Variants in NPSR1 observed in about 807,000 individuals in gnomAD.
NPSR1 encodes neuropeptide S receptor 1, also known as neuropeptide S receptor.
In NPSR1, 48 loss-of-function variants were observed where a neutral mutation model predicts 46.9. The observed-to-expected ratio is 1.02, with a 90% CI of 0.81 to 1.30. The LOEUF (loss-of-function observed/expected upper bound fraction) is 1.30, where lower values mean the gene tolerates loss of function less well. Among genes scored for constraint, NPSR1 ranks in the 50% most tolerant of loss-of-function variants. NPSR1 has a pLI of 0.00. For synonymous variants in NPSR1, 176 were observed against 168.1 expected (o/e 1.05, Z -0.36); for missense variants, 450 against 449.5 (o/e 1.00, Z -0.01).
intron 3 of NPSR1, among the ~76,000 whole-genome samples, chr7:34,788,522 T>C (rs1384199003): frequency 6.6e-6 from 1 of 152,086 alleles, no homozygotes; most frequent in Non-Finnish European, 1.5e-5. Flanking sequence ...TACATTTACA[T>C]CACATAGAAT....
intron 8 of NPSR1, among the ~76,000 whole-genome samples, chr7:34,868,957 A>C (rs911726811): frequency 6.6e-6 from 1 of 151,750 alleles, no homozygotes; most frequent in African/African-American, 2.4e-5. Flanking sequence ...ACAGGACTTC[A>C]GCAGGAGAGG....
chr7:34,674,896 C>A (rs1341913406), intron 1 of NPSR1, among the ~76,000 whole-genome samples: 2 of 152,186 alleles, frequency 1.3e-5, no homozygotes, highest in Non-Finnish European at 2.9e-5. Flanking sequence ...CAGCTTCAGG[C>A]AAGTTTTGGC....
intron 2 of NPSR1, among the ~76,000 whole-genome samples, chr7:34,698,306 TC>T (rs1304413809): frequency 2.0e-5 from 3 of 152,096 alleles, no homozygotes; most frequent in Non-Finnish European, 4.4e-5. Flanking sequence ...TGTATACTTT[TC>T]TTTATGTGTT....
At chr7:34,846,591 G>GTCAC (rs1306928879) in intron 7 of NPSR1, among the ~76,000 whole-genome samples, 5 of 151,964 alleles carry the variant, frequency 3.3e-5, no homozygotes, top group African/African-American at 1.2e-4. Context: ...TAATGAAGTA[G>GTCAC]TCACACCTAC....
chr7:34,704,055 C>T (rs1426767659), intron 2 of NPSR1: 1 of 152,144 alleles, frequency 6.6e-6, no homozygotes, highest in Non-Finnish European at 1.5e-5. Flanking sequence ...GAATTCTCTG[C>T]CCTCATAACC....
intron 4 of NPSR1, among the ~76,000 whole-genome samples, chr7:34,815,863 T>C (rs1319546912): frequency 6.6e-6 from 1 of 152,136 alleles, no homozygotes; most frequent in African/African-American, 2.4e-5. Flanking sequence ...GAAAAACAAA[T>C]GCTGAGAGAT....
intron 2 of NPSR1, among the ~76,000 whole-genome samples, chr7:34,770,528 G>A (rs1786630948): frequency 6.6e-6 from 1 of 152,164 alleles, no homozygotes; most frequent in South Asian, 2.1e-4. Flanking sequence ...ACTATACCAT[G>A]TGAATGGTCA....
chr7:34,773,678 T>A (rs749742329), intron 2 of NPSR1, among the ~76,000 whole-genome samples: 1 of 152,154 alleles, frequency 6.6e-6, no homozygotes, highest in Non-Finnish European at 1.5e-5. Flanking sequence ...ACATTCAAAA[T>A]CAGCAGTAGC....
intron 1 of NPSR1, among the ~76,000 whole-genome samples, chr7:34,672,548 G>A (rs1792111605): frequency 6.6e-6 from 1 of 152,172 alleles, no homozygotes; most frequent in Non-Finnish European, 1.5e-5. Context: ...AATAAAGCAT[G>A]ATCTACGGCC....
chr7:34,762,176 A>G (rs775858715), intron 2 of NPSR1, among the ~76,000 whole-genome samples: 3 of 152,192 alleles, frequency 2.0e-5, no homozygotes, highest in Non-Finnish European at 4.4e-5. Flanking sequence ...AGACTAATTG[A>G]AAATCTTAGG....
chr7:34,714,538 G>A (rs555389247), intron 2 of NPSR1, among the ~76,000 whole-genome samples: 4 of 152,188 alleles, frequency 2.6e-5, no homozygotes, highest in Non-Finnish European at 4.4e-5. Flanking sequence ...TCCTGTAGAA[G>A]GACTTTCACA....
chr7:34,836,682 G>A lies in NPSR1; in HGVS notation c.757+2222G>A, dbSNP rs565698730. ...CAGAAAGAAGAAAGAAAGAGAGAGA[G>A]GGAGGGAGGGAGAAAGGAAGGAAGG... is the stretch of plus-strand genomic sequence containing the variant. On this transcript the variant is annotated intron_variant, in intron 6 of 8. Coordinates refer to ENST00000360581, the MANE Select transcript of NPSR1 (RefSeq NM_207172.2). Among the ~76,000 whole-genome samples the A allele has an allele frequency of 9.4e-5, 14 of 149,588 alleles. No individual in the cohort carries two copies. The East Asian group carries it at 2.4e-3, about 25-fold the overall frequency.
intron 6 of NPSR1, among the ~76,000 whole-genome samples, chr7:34,837,774 A>T (rs906186125): frequency 3.3e-5 from 5 of 152,184 alleles, no homozygotes; most frequent in African/African-American, 1.2e-4. Flanking sequence ...TAAAAACACA[A>T]ACTCAGGGTC....
At chr7:34,665,230 T>G (rs1478113397) in intron 1 of NPSR1, among the ~76,000 whole-genome samples, 1 of 152,196 alleles carries the variant, frequency 6.6e-6, no homozygotes, top group Non-Finnish European at 1.5e-5. Flanking sequence ...ACCAGAGGTT[T>G]ATTGTTCCCT....
chr7:34,847,608 C>A (rs958410794), intron 7 of NPSR1, among the ~76,000 whole-genome samples: 2 of 152,134 alleles, frequency 1.3e-5, no homozygotes, highest in African/African-American at 4.8e-5. Context: ...CAGGAGAAGA[C>A]CAACGTCCTA....
At chr7:34,762,550 A>C (rs547519146) in intron 2 of NPSR1, among the ~76,000 whole-genome samples, 1 of 152,348 alleles carries the variant, frequency 6.6e-6, no homozygotes, top group African/African-American at 2.4e-5. Context: ...TGTTTAAAAA[A>C]GAAAAGTAGA....
At chr7:34,682,620 T>C (rs1315608798) in intron 1 of NPSR1, among the ~76,000 whole-genome samples, 3 of 152,118 alleles carry the variant, frequency 2.0e-5, no homozygotes, top group Non-Finnish European at 4.4e-5. Context: ...ACCACCTGAA[T>C]GGGAAGTGTC....
chr7:34,721,978 T>C (rs1017826373), intron 2 of NPSR1, among the ~76,000 whole-genome samples: 4 of 152,080 alleles, frequency 2.6e-5, no homozygotes, highest in African/African-American at 9.6e-5. Flanking sequence ...GAAAAGAATA[T>C]ATATAAATGT....
Position 34,827,590 on chromosome 7 carries a change from T to C in NPSR1, c.668T>C (p.Leu223Pro). The C allele has an allele frequency of 1.4e-6, 2 of 1,388,468 alleles. No individual in the cohort carries two copies. Among genetic ancestry groups the C allele is most frequent in the Non-Finnish European group, 1.9e-6 (2 of 1,044,194 alleles). 86.0% of individuals were successfully genotyped at this position (1,388,468 alleles called of 1,614,324 possible). ...IVAFLVYFIPLTIISIMYGIV... is the reference protein window; with the variant it reads ...IVAFLVYFIPPTIISIMYGIV... Reference sequence around the variant, plus strand: ...GCCTTCCTGGTGTACTTCATCCCTCTGACAATCATCAGGTAAGAAGCCGTC... The same window carrying C: ...GCCTTCCTGGTGTACTTCATCCCTCCGACAATCATCAGGTAAGAAGCCGTC... Residue 223 changes from leucine (L) to proline (P), a missense_variant, in exon 5 of 9, where the codon CTG becomes CCG. Transcript: ENST00000360581.
Sources: allele counts gnomAD v4.1 joint callset (sites outside exome capture counted in the v4.1 genomes callset), GRCh38; gene constraint gnomAD v4.1.1; transcripts MANE v1.5; gene names NCBI Gene and HGNC (gene_info 2026-07-23, HGNC 2026-07-21).